The following LZTFL1 variants were observed in gnomAD, a reference collection of about 807,000 sequenced individuals.
LZTFL1 encodes the protein leucine zipper transcription factor like 1, also known as leucine zipper transcription factor-like protein 1.
LZTFL1 carries 25 observed loss-of-function variants against 45.9 expected under a neutral mutation model. The observed-to-expected ratio is 0.54, with a 90% CI of 0.40 to 0.76. The LOEUF (loss-of-function observed/expected upper bound fraction) is 0.76. LZTFL1 is among the 30% of genes least tolerant of loss of function. LZTFL1 has a pLI of 0.00. For missense variants in LZTFL1, 277 were observed against 331.1 expected (o/e 0.84, Z 1.27); for synonymous variants, 93 against 117.4 (o/e 0.79, Z 1.35).
intron 4 of LZTFL1, among the ~76,000 whole-genome samples, chr3:45,851,604 A>C (rs1701311105): frequency 6.6e-6 from 1 of 152,122 alleles, no homozygotes; most frequent in Admixed American, 6.5e-5. Flanking sequence ...GTCTCAAGTC[A>C]AACCTTTGTG....
chr3:45,880,891 C>T (rs534925470), intron 2 of LZTFL1, among the ~76,000 whole-genome samples: 2 of 152,278 alleles, frequency 1.3e-5, no homozygotes, highest in East Asian at 1.9e-4. Flanking sequence ...TGGCATTTGT[C>T]GCTATTTAAT....
intron 2 of LZTFL1, among the ~76,000 whole-genome samples, chr3:45,869,908 T>G (rs1275154271): frequency 1.3e-5 from 2 of 152,254 alleles, no homozygotes; most frequent in Non-Finnish European, 2.9e-5. Flanking sequence ...CCAGTGGGTC[T>G]GCCCATGGAG....
At chr3:45,908,972 G>A (rs1163131274) in intron 2 of LZTFL1, among the ~76,000 whole-genome samples, 8 of 152,090 alleles carry the variant, frequency 5.3e-5, no homozygotes, top group South Asian at 2.1e-4. Flanking sequence ...CTGCATCACC[G>A]CCTGAGCTTC....
intron 2 of LZTFL1, among the ~76,000 whole-genome samples, chr3:45,896,459 G>A (rs1163989551): frequency 6.6e-6 from 1 of 152,242 alleles, no homozygotes; most frequent in East Asian, 1.9e-4. Context: ...TTCTGAGGAT[G>A]TGCTGGGCCA....
intron 1 of LZTFL1, chr3:45,841,689 C>A (rs927904328): frequency 1.8e-6 from 1 of 546,240 alleles, no homozygotes; most frequent in Non-Finnish European, 3.3e-6. Context: ...CTCTATCTCT[C>A]CTCACCTGCC....
chr3:45,863,863 A>G (rs1262046351), intron 2 of LZTFL1, among the ~76,000 whole-genome samples: 1 of 152,252 alleles, frequency 6.6e-6, no homozygotes, highest in Non-Finnish European at 1.5e-5. Flanking sequence ...TCGTTTGGAC[A>G]AAGAAGCTGG....
chr3:45,826,759 C>A (rs1402979158), intron 9 of LZTFL1, among the ~76,000 whole-genome samples: 2 of 152,126 alleles, frequency 1.3e-5, no homozygotes, highest in African/African-American at 4.8e-5. Flanking sequence ...ATCTGATGAC[C>A]ACATCTGGAC....
chr3:45,882,014 C>G (rs758469166), intron 2 of LZTFL1, among the ~76,000 whole-genome samples: 1 of 152,224 alleles, frequency 6.6e-6, no homozygotes, highest in African/African-American at 2.4e-5. Context: ...ACCACAGTGT[C>G]ATGTTCACTA....
At chr3:45,885,325 A>T (rs1701950653) in intron 2 of LZTFL1, among the ~76,000 whole-genome samples, 1 of 152,222 alleles carries the variant, frequency 6.6e-6, no homozygotes, top group South Asian at 2.1e-4. Context: ...ATCATTAATC[A>T]CATCAGGATT....
At chr3:45,864,098 C>T (rs900801334) in intron 2 of LZTFL1, among the ~76,000 whole-genome samples, 11 of 152,016 alleles carry the variant, frequency 7.2e-5, no homozygotes, top group African/African-American at 2.7e-4. Flanking sequence ...GTTCAAGTCC[C>T]CTGTGGAAAG....
At chr3:45,915,493 T>C (rs1188251231) in exon 1 of LZTFL1, 3 of 456,308 alleles carry the variant, frequency 6.6e-6, no homozygotes, top group Non-Finnish European at 1.3e-5. Flanking sequence ...GAGTCGGCCT[T>C]GGGAGCAGAA....
intron 2 of LZTFL1, among the ~76,000 whole-genome samples, chr3:45,871,818 T>C (rs1457440367): frequency 6.6e-6 from 1 of 152,198 alleles, no homozygotes; most frequent in East Asian, 1.9e-4. Context: ...AAAAGCGACT[T>C]GCAACCAGCA....
At chr3:45,861,038 C>T (rs942001983) in intron 2 of LZTFL1, among the ~76,000 whole-genome samples, 1 of 152,006 alleles carries the variant, frequency 6.6e-6, no homozygotes, top group East Asian at 1.9e-4. Flanking sequence ...AAATGAAATA[C>T]CTCTATTCAG....
intron 2 of LZTFL1, among the ~76,000 whole-genome samples, chr3:45,882,545 A>G (rs2125728347): frequency 6.6e-6 from 1 of 152,300 alleles, no homozygotes; most frequent in East Asian, 1.9e-4. Context: ...GACTGAAGTA[A>G]AATTAATTTT....
At chr3:45,832,975 C>T in intron 5 of LZTFL1, 75 bp downstream of exon 5, 1 of 1,106,960 alleles carries the variant, frequency 9.0e-7, no homozygotes, top group East Asian at 2.4e-5. Context: ...ACAAACCTTC[C>T]ACTTCTGTTT....
intron 2 of LZTFL1, among the ~76,000 whole-genome samples, chr3:45,884,839 A>G (rs963451651): frequency 1.3e-5 from 2 of 152,204 alleles, no homozygotes; most frequent in Non-Finnish European, 2.9e-5. Flanking sequence ...TCTTCCCTCT[A>G]GCACCAGTTC....
intron 2 of LZTFL1, among the ~76,000 whole-genome samples, chr3:45,861,835 T>A (rs1701495974): frequency 6.6e-6 from 1 of 152,136 alleles, no homozygotes; most frequent in Admixed American, 6.5e-5. Context: ...AAAAATGAAA[T>A]CTATTTATGG....
chr3:45,890,538 T>C (rs1327869438), intron 2 of LZTFL1, among the ~76,000 whole-genome samples: 1 of 150,562 alleles, frequency 6.6e-6, no homozygotes, highest in African/African-American at 2.4e-5. Flanking sequence ...GCTTTTCTGC[T>C]TGCTGGGTGA....
intron 2 of LZTFL1, 58 bp downstream of exon 2, chr3:45,837,869 T>C: frequency 6.5e-7 from 1 of 1,528,494 alleles, no homozygotes; most frequent in Admixed American, 2.2e-5. Flanking sequence ...ACCCCCATAC[T>C]GGCTACCAGA....
Sources: gnomAD v4.1 joint callset for allele counts (sites outside exome capture counted in the v4.1 genomes callset) on GRCh38, gnomAD v4.1.1 for gene constraint, MANE v1.5 for transcripts, NCBI Gene and HGNC (gene_info 2026-07-23, HGNC 2026-07-21) for gene names.